The following PDE8A variants were observed in gnomAD, a reference collection of about 807,000 sequenced individuals.
The protein encoded by PDE8A is high affinity cAMP-specific and IBMX-insensitive 3',5'-cyclic phosphodiesterase 8A.
In PDE8A, 59 loss-of-function variants were observed where a neutral mutation model predicts 105.0. The observed-to-expected ratio is 0.56, with a 90% confidence interval of 0.46 to 0.70. PDE8A has a LOEUF of 0.70. PDE8A is among the 30% of genes least tolerant of loss of function. The probability of loss-of-function intolerance (pLI) is 0.00; values close to 1 mark genes in which losing one functional copy is unlikely to be tolerated. For synonymous variants in PDE8A, 355 were observed against 371.9 expected (o/e 0.95, Z 0.52); for missense variants, 1,014 against 1,045.9 (o/e 0.97, Z 0.42).
chr15:85,022,036 A>G (rs58225241), intron 1 of PDE8A, among the ~76,000 whole-genome samples: 2 of 152,304 alleles, frequency 1.3e-5, no homozygotes, highest in African/African-American at 4.8e-5. Flanking sequence ...TTAAGACTAT[A>G]TACAAATTCT....
chr15:85,101,522 C>T (rs1266845342), intron 11 of PDE8A, among the ~76,000 whole-genome samples: 1 of 152,124 alleles, frequency 6.6e-6, no homozygotes, highest in African/African-American at 2.4e-5. Flanking sequence ...AATAAGAATC[C>T]TTAAATGCTA....
chr15:85,012,361 T>C (rs1596441515), intron 1 of PDE8A, among the ~76,000 whole-genome samples: 2 of 152,240 alleles, frequency 1.3e-5, no homozygotes, highest in East Asian at 3.9e-4. Flanking sequence ...TGGAATACTA[T>C]GCAGCCATAA....
At chr15:85,090,960 G>A (rs2081633129) in intron 7 of PDE8A, 84 bp from the exon 8 acceptor site, 2 of 1,245,784 alleles carry the variant, frequency 1.6e-6, no homozygotes, top group Non-Finnish European at 2.3e-6. Context: ...AAACCTGAAG[G>A]GCTTAGGTCG....
At chr15:84,999,843 G>A (rs1388213659) in intron 1 of PDE8A, among the ~76,000 whole-genome samples, 2 of 152,016 alleles carry the variant, frequency 1.3e-5, no homozygotes, top group Non-Finnish European at 2.9e-5. Flanking sequence ...CAAAGTGCTG[G>A]GATTACAGGC....
intron 18 of PDE8A, among the ~76,000 whole-genome samples, chr15:85,121,765 G>T (rs964110515): frequency 6.6e-6 from 1 of 152,114 alleles, no homozygotes; most frequent in Non-Finnish European, 1.5e-5. Flanking sequence ...TTTATGAGCA[G>T]TTCCTTTCCA....
At chr15:85,027,234 A>C (rs2080532650) in intron 1 of PDE8A, among the ~76,000 whole-genome samples, 1 of 152,206 alleles carries the variant, frequency 6.6e-6, no homozygotes, top group African/African-American at 2.4e-5. Context: ...AAACTTCCTT[A>C]AAGTTTTAGT....
At chr15:85,099,851 CTCT>C (rs1415608710) in intron 9 of PDE8A, 161 bp from the exon 10 acceptor site, 3 of 628,582 alleles carry the variant, frequency 4.8e-6, no homozygotes, top group African/African-American at 3.6e-5. Context: ...TGTTTGTGAT[CTCT>C]TCTTTATTTA....
In PDE8A at chr15:85,091,072, T is replaced by C; in HGVS notation, c.743T>C (p.Met248Thr). 4 of 1,611,520 alleles carry C rather than the reference T, an allele frequency of 2.5e-6. No homozygotes were observed. Among genetic ancestry groups the C allele is most frequent in the Non-Finnish European group, 3.4e-6 (4 of 1,178,708 alleles). Residue 248 changes from methionine to threonine, a missense_variant, in exon 8 of 22, where the codon ATG (methionine) becomes ACG (threonine). Coordinates refer to ENST00000394553, the MANE Select transcript of PDE8A (RefSeq NM_002605.3). ...QYANPAFETT[M>T]GYQSGELIGK... ...GCAAATCCTGCATTTGAAACAACAA[T>C]GGGCTATCAGTCAGGTGAATTAATA...
At chr15:84,993,606 A>G (rs2079926836) in intron 1 of PDE8A, among the ~76,000 whole-genome samples, 1 of 151,334 alleles carries the variant, frequency 6.6e-6, no homozygotes, top group Admixed American at 6.6e-5. Context: ...GGCTGGGCGT[A>G]GTGGCTCATG....
chr15:85,098,216 T>A (rs1204205701), intron 9 of PDE8A, among the ~76,000 whole-genome samples, 180 bp downstream of exon 9: 3 of 152,246 alleles, frequency 2.0e-5, no homozygotes, highest in Non-Finnish European at 4.4e-5. Context: ...TCTGACCCTC[T>A]ACTTGCAGCC....
In PDE8A at chr15:85,099,998, T is replaced by C; in HGVS notation, c.942-17T>C. 6.3e-7 allele frequency: 1 copy of C among 1,595,370 alleles called. No homozygotes were observed. Among genetic ancestry groups the C allele is most frequent in the Non-Finnish European group, 8.6e-7 (1 of 1,168,602 alleles). Reference sequence around the variant, plus strand: ...AGAGACTCAGAAGAGAAATAATGCATTGTTTTTTACTTGCAGAAAAATTAG... The same window carrying C: ...AGAGACTCAGAAGAGAAATAATGCACTGTTTTTTACTTGCAGAAAAATTAG... On this transcript the variant is annotated splice_polypyrimidine_tract_variant and intron_variant, in intron 9 of 21. Transcript: ENST00000394553.
At chr15:85,075,284 T>G (rs1455922182) in intron 3 of PDE8A, among the ~76,000 whole-genome samples, 1 of 152,248 alleles carries the variant, frequency 6.6e-6, no homozygotes, top group African/African-American at 2.4e-5. Flanking sequence ...CAGTCCTCTG[T>G]TCTTAACCTT....
intron 3 of PDE8A, among the ~76,000 whole-genome samples, chr15:85,072,022 A>G (rs2081318469): frequency 6.6e-6 from 1 of 152,256 alleles, no homozygotes; most frequent in African/African-American, 2.4e-5. Flanking sequence ...AAATAAAAAA[A>G]GTACTACTTG....
intron 1 of PDE8A, among the ~76,000 whole-genome samples, chr15:84,999,966 A>G (rs79772677): frequency 0.021 from 3,171 of 152,308 alleles, 51 homozygotes; most frequent in Middle Eastern, 0.044. Context: ...TAAAACCTGT[A>G]TAGAAATCTA....
At chr15:85,043,083 C>T (rs1259173930) in intron 1 of PDE8A, among the ~76,000 whole-genome samples, 2 of 61,546 alleles carry the variant, frequency 3.2e-5, no homozygotes, top group African/African-American at 6.2e-5. Flanking sequence ...GTAGAACCTC[C>T]AGACAAGGCT....
intron 1 of PDE8A, among the ~76,000 whole-genome samples, chr15:84,995,241 C>G (rs1432090352): frequency 1.3e-5 from 2 of 151,988 alleles, no homozygotes; most frequent in African/African-American, 2.4e-5. Context: ...TGCAACCACC[C>G]TTCTGATTTT....
intron 2 of PDE8A, among the ~76,000 whole-genome samples, chr15:85,065,624 T>C (rs1033758542): frequency 6.6e-5 from 10 of 152,238 alleles, no homozygotes; most frequent in Non-Finnish European, 1.3e-4. Context: ...GTTCTTTGCA[T>C]GTATGGTCTT....
At chr15:85,116,287 G>C in intron 16 of PDE8A, 168 bp downstream of exon 16, 1 of 600,748 alleles carries the variant, frequency 1.7e-6, no homozygotes, top group South Asian at 2.3e-5. Flanking sequence ...GGGCCTGGGG[G>C]AGAGTCTGCT....
intron 1 of PDE8A, among the ~76,000 whole-genome samples, chr15:85,049,330 A>G (rs191557846): frequency 1.5e-4 from 23 of 152,274 alleles, no homozygotes; most frequent in Admixed American, 9.2e-4. Flanking sequence ...CAATATATCA[A>G]TTAAACAAGA....
Sources: allele counts gnomAD v4.1 joint callset (sites outside exome capture counted in the v4.1 genomes callset), GRCh38; gene constraint gnomAD v4.1.1; transcripts MANE v1.5; gene names NCBI Gene and HGNC (gene_info 2026-07-23, HGNC 2026-07-21).